EPB41L2: variants seen among roughly 807,000 people sequenced by gnomAD.
EPB41L2 encodes the protein erythrocyte membrane protein band 4.1 like 2.
EPB41L2 carries 43 observed loss-of-function variants against 113.0 expected under a neutral mutation model. That is an observed-to-expected ratio of 0.38 (90% CI 0.30 to 0.49). EPB41L2 has a LOEUF of 0.49. EPB41L2 is among the 20% of genes least tolerant of loss of function. The pLI is 0.95. For synonymous variants in EPB41L2, 442 were observed against 436.7 expected, an observed-to-expected ratio of 1.01 and a Z score of -0.15; for missense variants, 1,147 against 1,223.4, an observed-to-expected ratio of 0.94 and a Z score of 0.93.
At chr6:131,019,279 A>G (rs1788935575) in intron 1 of EPB41L2, among the ~76,000 whole-genome samples, 1 of 152,212 alleles carries the variant, frequency 6.6e-6, no homozygotes, top group African/African-American at 2.4e-5. Flanking sequence ...AACTGGAAAT[A>G]TGATCTTGAT....
At chr6:130,873,706 T>C (rs1786527352) in intron 14 of EPB41L2, among the ~76,000 whole-genome samples, 1 of 152,192 alleles carries the variant, frequency 6.6e-6, no homozygotes, top group South Asian at 2.1e-4. Flanking sequence ...CTTCAGGTGA[T>C]CTATCCTCCT....
chr6:130,886,631 T>TTGC (rs1791073928), intron 11 of EPB41L2, among the ~76,000 whole-genome samples: 1 of 120,544 alleles, frequency 8.3e-6, no homozygotes, highest in African/African-American at 2.5e-5. Flanking sequence ...TTTGTTGTTG[T>TTGC]TGTTGTTGTT....
chr6:131,023,835 ACT>A (rs1210354437), intron 1 of EPB41L2, among the ~76,000 whole-genome samples: 3 of 151,224 alleles, frequency 2.0e-5, no homozygotes, highest in South Asian at 2.1e-4. Context: ...GGAGTATTTA[ACT>A]CTTTTTTCCC....
At chr6:131,013,857 A>G (rs1158183383) in intron 1 of EPB41L2, among the ~76,000 whole-genome samples, 1 of 152,218 alleles carries the variant, frequency 6.6e-6, no homozygotes, top group African/African-American at 2.4e-5. Flanking sequence ...GGGCAAAGTT[A>G]TTTATTAAAT....
chr6:130,846,688 TCCCATCTTCAGG>T (rs1388992541), intron 19 of EPB41L2, among the ~76,000 whole-genome samples: 3 of 152,204 alleles, frequency 2.0e-5, no homozygotes, highest in Non-Finnish European at 4.4e-5. Flanking sequence ...AAGGCCCAAG[TCCCATCTTCAGG>T]CCTTTTGGGA....
At chr6:131,029,391 T>TTAAA (rs1212571779) in intron 1 of EPB41L2, among the ~76,000 whole-genome samples, 1 of 119,466 alleles carries the variant, frequency 8.4e-6, no homozygotes, top group Admixed American at 8.7e-5. Flanking sequence ...AGCATTTGTT[T>TTAAA]AAAAAAAAAA....
chr6:130,853,335 G>T (rs1240530354), intron 19 of EPB41L2, among the ~76,000 whole-genome samples: 1 of 152,076 alleles, frequency 6.6e-6, no homozygotes, highest in East Asian at 1.9e-4. Context: ...CCTCTCCTGT[G>T]GCTCATTCTT....
intron 1 of EPB41L2, among the ~76,000 whole-genome samples, chr6:131,006,677 AAAAAG>A (rs2128720049): frequency 6.6e-6 from 1 of 152,120 alleles, no homozygotes; most frequent in African/African-American, 2.4e-5. Context: ...CAAAAAAAAA[AAAAAG>A]ATTCATTACA....
intron 1 of EPB41L2, among the ~76,000 whole-genome samples, chr6:130,967,164 A>T (rs1199002949): frequency 6.6e-6 from 1 of 152,150 alleles, no homozygotes; most frequent in Non-Finnish European, 1.5e-5. Flanking sequence ...TCCTGCTGTC[A>T]GCCTTACCGA....
rs201611607 is a variant in EPB41L2 at position 130,840,609 on chromosome 6, A to G, written c.*6-11T>C. On this transcript the variant is annotated splice_polypyrimidine_tract_variant and intron_variant, in intron 19 of 19. Coordinates refer to ENST00000337057, the MANE Select transcript of EPB41L2 (RefSeq NM_001431.4). Reference sequence around the variant, plus strand: ...TTAAAAAATGACTTTCTAGAAGAGAAAAAAAAAAAAAAAACAGAAGGCTTA... The same window carrying G: ...TTAAAAAATGACTTTCTAGAAGAGAGAAAAAAAAAAAAAACAGAAGGCTTA... The G allele has an allele frequency of 1.5e-4, 19 of 124,668 alleles. No individual in the cohort carries two copies. Among genetic ancestry groups the G allele is most frequent in the African/African-American group, 7.7e-4 (18 of 23,434 alleles). The allele number at this position is 124,668 out of a possible 1,614,324, so 7.7% of individuals were successfully genotyped here.
intron 1 of EPB41L2, among the ~76,000 whole-genome samples, chr6:131,010,269 T>C (rs573078212): frequency 8.2e-4 from 125 of 152,324 alleles, no homozygotes; most frequent in African/African-American, 2.8e-3. Flanking sequence ...AGGAAGCATG[T>C]CTGCCCAAAG....
At chr6:130,935,160 C>A (rs1187847531) in intron 3 of EPB41L2, among the ~76,000 whole-genome samples, 1 of 152,120 alleles carries the variant, frequency 6.6e-6, no homozygotes, top group African/African-American at 2.4e-5. Context: ...TAAAAAGCTG[C>A]TGCTTAGAAA....
At chr6:130,955,913 T>C (rs1228572321) in intron 2 of EPB41L2, 81 bp downstream of exon 2, 1 of 1,526,496 alleles carries the variant, frequency 6.6e-7, no homozygotes, top group African/African-American at 1.4e-5. Flanking sequence ...AATCTGGAAA[T>C]GATCCAAAAC....
intron 1 of EPB41L2, among the ~76,000 whole-genome samples, chr6:131,004,697 T>C (rs527261400): frequency 1.3e-5 from 2 of 152,116 alleles, no homozygotes; most frequent in East Asian, 3.9e-4. Context: ...ATGAGGTGCC[T>C]GTAAAGGAGA....
intron 8 of EPB41L2, among the ~76,000 whole-genome samples, chr6:130,895,688 T>C (rs1794436698): frequency 6.6e-6 from 1 of 152,220 alleles, no homozygotes; most frequent in Non-Finnish European, 1.5e-5. Flanking sequence ...AAGCAGTTTT[T>C]CATTAACTTA....
intron 4 of EPB41L2, among the ~76,000 whole-genome samples, chr6:130,918,289 T>C (rs1449356203): frequency 1.3e-5 from 2 of 152,326 alleles, no homozygotes; most frequent in Non-Finnish European, 2.9e-5. Context: ...TAGCCGTGAA[T>C]ATCAACTACA....
intron 1 of EPB41L2, among the ~76,000 whole-genome samples, chr6:131,018,143 T>C (rs1342594752): frequency 1.3e-5 from 2 of 152,176 alleles, no homozygotes; most frequent in Admixed American, 1.3e-4. Flanking sequence ...ATGGCTGTTG[T>C]ACACAGTCAA....
chr6:130,919,265 C>T (rs527665757), intron 4 of EPB41L2, among the ~76,000 whole-genome samples: 11 of 152,148 alleles, frequency 7.2e-5, no homozygotes, highest in African/African-American at 2.7e-4. Context: ...TTATGAATTC[C>T]TTATTTAGCA....
At chr6:130,871,825 C>A (rs1785788527) in intron 14 of EPB41L2, among the ~76,000 whole-genome samples, 1 of 152,140 alleles carries the variant, frequency 6.6e-6, no homozygotes, top group Non-Finnish European at 1.5e-5. Flanking sequence ...GTGACCAGAA[C>A]ATTTCTGAAA....
Sources: allele counts gnomAD v4.1 joint callset (sites outside exome capture counted in the v4.1 genomes callset), GRCh38; gene constraint gnomAD v4.1.1; transcripts MANE v1.5; gene names NCBI Gene and HGNC (gene_info 2026-07-23, HGNC 2026-07-21).